Variants in HRH2 observed in about 807,000 individuals in gnomAD.
HRH2 encodes histamine H2 receptor.
HRH2 carries 4 observed loss-of-function variants against 20.1 expected under a neutral mutation model. That is an observed-to-expected ratio of 0.20 (90% CI 0.10 to 0.45). HRH2 has a LOEUF of 0.45. HRH2 is among the 20% of genes least tolerant of loss of function. HRH2 has a pLI of 0.99. For missense variants in HRH2, 250 were observed against 461.6 expected (o/e 0.54, Z 4.20); for synonymous variants, 197 against 200.7 (o/e 0.98, Z 0.16).
At chr5:175,674,627 G>T (rs1311729171) in intron 1 of HRH2, among the ~76,000 whole-genome samples, 1 of 152,154 alleles carries the variant, frequency 6.6e-6, no homozygotes, top group Non-Finnish European at 1.5e-5. Context: ...ACAACATTCA[G>T]ATCCATTCAC....
intron 1 of HRH2, among the ~76,000 whole-genome samples, chr5:175,679,433 T>C (rs1755881752): frequency 6.6e-6 from 1 of 152,168 alleles, no homozygotes; most frequent in Middle Eastern, 3.4e-3. Flanking sequence ...GGCCAGGGTT[T>C]GAAAAAAGAG....
intron 1 of HRH2, among the ~76,000 whole-genome samples, chr5:175,682,498 G>A (rs1368250796): frequency 6.6e-6 from 1 of 152,042 alleles, no homozygotes; most frequent in African/African-American, 2.4e-5. Context: ...ACGAGTCTCA[G>A]TGTCCAGCCC....
intron 2 of HRH2, among the ~76,000 whole-genome samples, chr5:175,697,889 C>T (rs923856516): frequency 6.6e-6 from 1 of 152,220 alleles, no homozygotes; most frequent in Non-Finnish European, 1.5e-5. Context: ...CCTGAAGAGC[C>T]TTGTCCACCT....
chr5:175,666,724 C>T (rs1394370903), intron 1 of HRH2, among the ~76,000 whole-genome samples: 1 of 152,188 alleles, frequency 6.6e-6, no homozygotes, highest in Non-Finnish European at 1.5e-5. Context: ...GCCACTGCGC[C>T]CGGCCTCCAG....
At chr5:175,664,440 G>A (rs73803001) in intron 1 of HRH2, among the ~76,000 whole-genome samples, 2,857 of 152,260 alleles carry the variant, frequency 0.019, 86 homozygotes, top group African/African-American at 0.064. Context: ...GACACAGAGC[G>A]TCTGGGTATT....
chr5:175,685,524 T>C (rs1341016043), intron 2 of HRH2: 4 of 1,490,730 alleles, frequency 2.7e-6, no homozygotes, highest in African/African-American at 1.4e-5. Flanking sequence ...CCAGGAATTA[T>C]GATGAATACT....
At chr5:175,659,311 C>G (rs1049321933) in intron 1 of HRH2, among the ~76,000 whole-genome samples, 1 of 152,198 alleles carries the variant, frequency 6.6e-6, no homozygotes, top group Non-Finnish European at 1.5e-5. Context: ...TTCCTACCTA[C>G]TAATGAGTTT....
chr5:175,706,911 C>G (rs1199824790), intron 2 of HRH2, among the ~76,000 whole-genome samples: 2 of 152,200 alleles, frequency 1.3e-5, no homozygotes, highest in African/African-American at 4.8e-5. Context: ...ACGCTTGATT[C>G]CCTTGGTGGC....
In HRH2 at chr5:175,668,396, T is replaced by G. The variant is rs536847462; in HGVS notation, c.-526+10241T>G. Among the ~76,000 whole-genome samples, 4 of 151,234 alleles carry G rather than the reference T, an allele frequency of 2.6e-5. No individual in the cohort carries two copies. The East Asian group carries it at 7.7e-4, about 29-fold the overall frequency. The stretch of plus-strand genomic sequence containing the variant: ...CTGAGGCAGAGACCCCCCCAGCTGT[T>G]GCTCGCAGGGTGGGGGTGCAGGGGA... On this transcript the variant is annotated intron_variant, in intron 1 of 2. Coordinates refer to ENST00000636584, the MANE Select transcript of HRH2 (RefSeq NM_001367711.1).
chr5:175,692,804 G>C (rs1045300657), intron 2 of HRH2, among the ~76,000 whole-genome samples: 1 of 152,182 alleles, frequency 6.6e-6, no homozygotes, highest in African/African-American at 2.4e-5. Flanking sequence ...ACTTAACAAC[G>C]GAGAGAGCGT....
intron 2 of HRH2, among the ~76,000 whole-genome samples, chr5:175,697,331 T>C (rs368718912): frequency 1.1e-4 from 17 of 150,904 alleles, no homozygotes; most frequent in South Asian, 2.1e-4. Flanking sequence ...GGCGTGGTGG[T>C]GGGCGCCTGT....
rs1178911277 is a variant in HRH2, at chr5:175,662,345, G to A, written c.-526+4190G>A. Among the ~76,000 whole-genome samples the A allele has an allele frequency of 3.3e-5, 5 of 152,190 alleles. No individual in the cohort carries two copies. In the East Asian group the frequency reaches 9.6e-4, roughly 29 times the overall value. ...GATTTTCACAACTTGGGGAGGGGGA[G>A]TGCTGGCGTCTAGTGGGTAGACGTC... is the stretch of plus-strand genomic sequence containing the variant. On this transcript the variant is annotated intron_variant, in intron 1 of 2. Coordinates refer to ENST00000636584, the MANE Select transcript of HRH2 (RefSeq NM_001367711.1).
Position 175,687,413 on chromosome 5 carries a change from C to T in HRH2, c.1076+3104C>T, listed in dbSNP as rs534795243. ...CCTGAGCCAAGAATTCCGAAGGGAA[C>T]GGAGCCAGCCTGCCCTGGGTGGGGT... On this transcript the variant is annotated intron_variant, in intron 2 of 2. Coordinates refer to ENST00000636584, the MANE Select transcript of HRH2 (RefSeq NM_001367711.1). The surrounding 1 kb of genome is among the most constrained non-coding windows in gnomAD (Gnocchi z 5.2). Among the ~76,000 whole-genome samples, 56 of 152,258 alleles carry T rather than the reference C, an allele frequency of 3.7e-4. No homozygotes were observed. Among genetic ancestry groups the T allele is most frequent in the Admixed American group, 5.9e-4 (9 of 15,310 alleles).
chr5:175,699,136 A>G (rs764227270), intron 2 of HRH2, among the ~76,000 whole-genome samples: 1 of 152,062 alleles, frequency 6.6e-6, no homozygotes, highest in African/African-American at 2.4e-5. Flanking sequence ...AATTCCTTTC[A>G]TGGGCAGAGG....
rs1756458330 is a variant in HRH2, at chr5:175,693,580, C to G, written c.1076+9271C>G. Among the ~76,000 whole-genome samples the G allele has an allele frequency of 6.6e-6, 1 of 152,188 alleles. No individual in the cohort carries two copies. On this transcript the variant is annotated intron_variant, in intron 2 of 2. Transcript: ENST00000636584. The surrounding 1 kb of genome is among the most constrained non-coding windows in gnomAD (Gnocchi z 4.4). The stretch of plus-strand genomic sequence containing the variant: ...GGCTGTCCCCAGTGCCCAGAGGATT[C>G]AAGGAACTTCTCCTTCTCATGCTGA...
intron 2 of HRH2, 76 bp downstream of exon 2, chr5:175,684,385 C>A: frequency 6.5e-7 from 1 of 1,544,482 alleles, no homozygotes; most frequent in Non-Finnish European, 8.7e-7. Context: ...ATTAAGGGAG[C>A]TGCTGTTTAG....
Position 175,684,316 on chromosome 5 carries a change from G to A in HRH2, c.1076+7G>A. On this transcript the variant is annotated splice_region_variant and intron_variant, in intron 2 of 2. Transcript: ENST00000636584. ...CCCAGGGAGCCACAGACAGGTAATA[G>A]CCCTAGCCATTGGTGCACAGGATGG... 1 of 1,611,778 alleles carries A rather than the reference G, an allele frequency of 6.2e-7. No individual in the cohort carries two copies. The highest frequency in any genetic ancestry group is 2.2e-5 in the East Asian group (1 of 44,844).
At chr5:175,670,200 A>G (rs1232264693) in intron 1 of HRH2, among the ~76,000 whole-genome samples, 4 of 152,176 alleles carry the variant, frequency 2.6e-5, no homozygotes, top group African/African-American at 9.7e-5. Context: ...CAGGGAGCCA[A>G]AGCAGAAGGA....
At chr5:175,690,489 C>T (rs191062482) in intron 2 of HRH2, among the ~76,000 whole-genome samples, 6 of 152,308 alleles carry the variant, frequency 3.9e-5, no homozygotes, top group Admixed American at 6.5e-5. Flanking sequence ...CTTCAGCAAA[C>T]GAGAATTTTC....
Sources: allele counts gnomAD v4.1 joint callset (sites outside exome capture counted in the v4.1 genomes callset), GRCh38; gene constraint gnomAD v4.1.1; non-coding constraint Gnocchi (gnomAD v3.1); transcripts MANE v1.5; gene names NCBI Gene and HGNC (gene_info 2026-07-23, HGNC 2026-07-21).